OR51B5: variants seen among roughly 807,000 people sequenced by gnomAD.
OR51B5 encodes olfactory receptor 51B5.
For missense variants in OR51B5, 456 were observed against 374.6 expected, an observed-to-expected ratio of 1.22 and a Z score of -1.79; for synonymous variants, 186 against 144.8, an observed-to-expected ratio of 1.28 and a Z score of -2.04.
At chr11:5,460,662 A>G (rs992189880) in intron 1 of OR51B5, among the ~76,000 whole-genome samples, 1 of 152,164 alleles carries the variant, frequency 6.6e-6, no homozygotes, top group African/African-American at 2.4e-5. Flanking sequence ...TCTGGCCTTT[A>G]GAGTTACCAG....
intron 1 of OR51B5, chr11:5,391,492 T>A (rs970340874): frequency 3.9e-5 from 6 of 152,228 alleles, no homozygotes; most frequent in Middle Eastern, 3.2e-3. Context: ...ATAAATACAA[T>A]GCCTAGCACA....
intron 1 of OR51B5, among the ~76,000 whole-genome samples, chr11:5,478,949 C>G (rs1851365281): frequency 6.6e-6 from 1 of 151,180 alleles, no homozygotes; most frequent in Non-Finnish European, 1.5e-5. Context: ...AGGATATTAT[C>G]CGGGAGAACT....
At chr11:5,401,590 C>T (rs781617902) in intron 1 of OR51B5, among the ~76,000 whole-genome samples, 2 of 152,174 alleles carry the variant, frequency 1.3e-5, no homozygotes, top group Admixed American at 1.3e-4. Flanking sequence ...TAATTTTTAG[C>T]TCTTTTTATA....
intron 1 of OR51B5, among the ~76,000 whole-genome samples, chr11:5,376,832 A>T (rs547643247): frequency 1.3e-5 from 2 of 149,558 alleles, no homozygotes; most frequent in East Asian, 3.9e-4. Context: ...CTTACCAACC[A>T]AAAAGAGTCC....
chr11:5,344,513 C>T (rs1467084543), upstream of OR51B5, among the ~76,000 whole-genome samples: 4 of 152,090 alleles, frequency 2.6e-5, no homozygotes, highest in African/African-American at 7.2e-5. Flanking sequence ...AGCTATTTCC[C>T]TGCTTAAACG....
intron 1 of OR51B5, among the ~76,000 whole-genome samples, chr11:5,429,100 C>T (rs1850493465): frequency 6.6e-6 from 1 of 152,166 alleles, no homozygotes; most frequent in Non-Finnish European, 1.5e-5. Context: ...CCACCACACA[C>T]AGAGCCAGAC....
chr11:5,402,716 C>T (rs913123989), intron 1 of OR51B5: 4 of 471,222 alleles, frequency 8.5e-6, no homozygotes, highest in Non-Finnish European at 1.8e-5. Flanking sequence ...TATACATCAT[C>T]ATTTTCCTTG....
chr11:5,492,656 C>T (rs1321575178), intron 1 of OR51B5, among the ~76,000 whole-genome samples: 1 of 152,142 alleles, frequency 6.6e-6, no homozygotes, highest in African/African-American at 2.4e-5. Flanking sequence ...TCCAAGAGCT[C>T]TGGTTCCTAC....
upstream of OR51B5, among the ~76,000 whole-genome samples, chr11:5,348,382 T>A (rs1446697801): frequency 2.0e-5 from 3 of 152,114 alleles, no homozygotes; most frequent in Non-Finnish European, 4.4e-5. Context: ...CCCAACCCCA[T>A]GTCTTTTACC....
chr11:5,400,612 A>G (rs1394654385), intron 1 of OR51B5, among the ~76,000 whole-genome samples: 2 of 152,134 alleles, frequency 1.3e-5, no homozygotes, highest in African/African-American at 2.4e-5. Flanking sequence ...TATCTTGAAC[A>G]TTTCCTTTGT....
At chr11:5,439,166 T>A (rs1589996237) in intron 1 of OR51B5, among the ~76,000 whole-genome samples, 3 of 152,176 alleles carry the variant, frequency 2.0e-5, no homozygotes, top group Middle Eastern at 3.4e-3. Flanking sequence ...GGAGTTTGCC[T>A]GAATTTTCAA....
At chr11:5,347,522 C>T (rs966035814), upstream of OR51B5, among the ~76,000 whole-genome samples, 4 of 152,198 alleles carry the variant, frequency 2.6e-5, no homozygotes, top group Non-Finnish European at 4.4e-5. Flanking sequence ...CACACCACAT[C>T]ACTTTGTGAT....
In OR51B5 at chr11:5,350,926, G is replaced by GA. The variant is rs1217738374; in HGVS notation, n.85-4017dup. On this transcript the variant is annotated intron_variant and non_coding_transcript_variant, in intron 1 of 4. Coordinates refer to the OR51B5 transcript ENST00000415970. ...GAATTTTCCCTCCAGGAATATTGAA[G>GA]AAAAGTCAATCTCTGAAATTTACTA... Among the ~76,000 whole-genome samples the GA allele has an allele frequency of 7.2e-5, 11 of 152,274 alleles. No homozygotes were observed. In the East Asian group the frequency reaches 2.1e-3, roughly 29 times the overall value.
chr11:5,378,257 T>G (rs1235966463), intron 1 of OR51B5, among the ~76,000 whole-genome samples: 2 of 152,050 alleles, frequency 1.3e-5, no homozygotes. Flanking sequence ...TGGCTAGCCA[T>G]ATGTAGAATG....
chr11:5,482,485 C>A (rs1851439057), intron 1 of OR51B5, among the ~76,000 whole-genome samples: 1 of 104,342 alleles, frequency 9.6e-6, no homozygotes, highest in Non-Finnish European at 1.9e-5. Flanking sequence ...GCAATGGCAA[C>A]AAAAGACAAA....
intron 1 of OR51B5, among the ~76,000 whole-genome samples, chr11:5,410,456 A>G (rs1171872240): frequency 6.6e-6 from 1 of 152,202 alleles, no homozygotes; most frequent in Non-Finnish European, 1.5e-5. Context: ...GAATAGTAAA[A>G]TACGGTCATG....
At chr11:5,454,201 T>A (rs199654892) in intron 1 of OR51B5, 1 of 1,613,956 alleles carries the variant, frequency 6.2e-7, no homozygotes, top group Non-Finnish European at 8.5e-7. Flanking sequence ...CTCAAAGCTC[T>A]CAACACATGT....
intron 1 of OR51B5, chr11:5,383,738 G>A (rs1849643917): frequency 6.6e-6 from 1 of 152,064 alleles, no homozygotes; most frequent in Admixed American, 6.6e-5. Context: ...CCCAGCCCTG[G>A]GGACCCTTTG....
Position 5,500,621 on chromosome 11 carries a change from G to A in OR51B5, n.84+4948C>T, listed in dbSNP as rs748330689. On this transcript the variant is annotated intron_variant and non_coding_transcript_variant, in intron 1 of 4. Transcript: ENST00000415970. ...CCGCTTCGACGAGGACATCTTTCCA[G>A]TAATAGTCCTAATTGCGGCCTTGCA... Among the ~76,000 whole-genome samples the A allele has an allele frequency of 1.8e-4, 26 of 148,184 alleles. 3 individuals are homozygous for A. The highest frequency in any genetic ancestry group is 3.5e-4 in the Non-Finnish European group (23 of 66,182).
Sources: allele counts gnomAD v4.1 joint callset (sites outside exome capture counted in the v4.1 genomes callset), GRCh38; gene constraint gnomAD v4.1.1; transcripts MANE v1.5; gene names NCBI Gene and HGNC (gene_info 2026-07-23, HGNC 2026-07-21).